The following PPP1R21 variants were observed in gnomAD, a reference collection of about 807,000 sequenced individuals.
PPP1R21 encodes the protein protein phosphatase 1 regulatory subunit 21, also known as KLRAQ motif containing 1.
A neutral mutation model predicts 112.8 loss-of-function variants in PPP1R21; 85 were observed. That is an observed-to-expected ratio of 0.75 (90% CI 0.63 to 0.90). The LOEUF is 0.90. Ranked by LOEUF, PPP1R21 falls within the 40% of genes least tolerant of loss-of-function variation. The pLI, the probability that PPP1R21 is intolerant of heterozygous loss-of-function variation, is 0.00. For synonymous variants in PPP1R21, 381 were observed against 322.3 expected, an observed-to-expected ratio of 1.18 and a Z score of -1.95; for missense variants, 1,199 against 901.5, an observed-to-expected ratio of 1.33 and a Z score of -4.23.
chr2:48,445,933 A>T (rs942500918), intron 1 of PPP1R21, among the ~76,000 whole-genome samples: 2 of 152,228 alleles, frequency 1.3e-5, no homozygotes, highest in Non-Finnish European at 2.9e-5. Flanking sequence ...TTTAGGGGTC[A>T]TCCAGGCCAG....
chr2:48,459,111 A>AAGATTCATAGT (rs1403750445), intron 4 of PPP1R21, among the ~76,000 whole-genome samples: 1 of 151,434 alleles, frequency 6.6e-6, no homozygotes, highest in Non-Finnish European at 1.5e-5. Flanking sequence ...AAAAAAAAAA[A>AAGATTCATAGT]AGATTCATAG....
At chr2:48,452,595 T>G (rs977708895) in intron 2 of PPP1R21, among the ~76,000 whole-genome samples, 8 of 151,746 alleles carry the variant, frequency 5.3e-5, no homozygotes, top group Non-Finnish European at 8.8e-5. Flanking sequence ...TCATTGTAAT[T>G]ATAGTACAAC....
intron 11 of PPP1R21, among the ~76,000 whole-genome samples, chr2:48,473,363 T>G (rs550363963): frequency 1.3e-5 from 2 of 152,340 alleles, no homozygotes; most frequent in South Asian, 4.1e-4. Flanking sequence ...ATTTGGCTTA[T>G]GTTTAAGAAG....
At chr2:48,454,830 G>A in intron 3 of PPP1R21, 89 bp downstream of exon 3, 3 of 987,630 alleles carry the variant, frequency 3.0e-6, no homozygotes, top group Admixed American at 2.0e-5. Context: ...AGACCCCACT[G>A]CCGAATTATT....
chr2:48,508,992 C>G (rs1472823372), intron 19 of PPP1R21, among the ~76,000 whole-genome samples: 1 of 152,196 alleles, frequency 6.6e-6, no homozygotes, highest in Non-Finnish European at 1.5e-5. Flanking sequence ...CTTATGTTGA[C>G]ATAGCATTTG....
chr2:48,450,864 G>T, intron 1 of PPP1R21, 144 bp from the exon 2 acceptor site: 1 of 589,646 alleles, frequency 1.7e-6, no homozygotes, highest in Non-Finnish European at 3.0e-6. Context: ...TACCCTCTTT[G>T]GGTCTAATAC....
intron 9 of PPP1R21, 122 bp from the exon 10 acceptor site, chr2:48,470,965 G>A: frequency 1.5e-6 from 1 of 671,940 alleles, no homozygotes. Context: ...GGAGTTTGAG[G>A]CTGCAGTGAG....
chr2:48,485,827 A>T (rs920638277), intron 13 of PPP1R21, among the ~76,000 whole-genome samples: 22 of 149,560 alleles, frequency 1.5e-4, no homozygotes, highest in African/African-American at 5.4e-4. Context: ...AAAAATTTTC[A>T]TGTTTTGTGA....
intron 1 of PPP1R21, among the ~76,000 whole-genome samples, chr2:48,446,536 A>G (rs1381724558): frequency 6.6e-6 from 1 of 152,146 alleles, no homozygotes; most frequent in Admixed American, 6.5e-5. Flanking sequence ...TCTCTTATAT[A>G]ATGTATTACA....
chr2:48,493,504 A>G (rs937206647), intron 15 of PPP1R21, among the ~76,000 whole-genome samples: 1 of 152,162 alleles, frequency 6.6e-6, no homozygotes, highest in African/African-American at 2.4e-5. Flanking sequence ...TTGATTTCCA[A>G]GGTAGAAACA....
intron 12 of PPP1R21, among the ~76,000 whole-genome samples, chr2:48,477,489 A>G (rs978500289): frequency 3.9e-5 from 6 of 152,110 alleles, no homozygotes; most frequent in Non-Finnish European, 7.4e-5. Flanking sequence ...TGAAAAGCCT[A>G]TTCTTTCCTT....
intron 6 of PPP1R21, 86 bp downstream of exon 6, chr2:48,460,239 T>A (rs1558438975): frequency 1.5e-6 from 2 of 1,299,904 alleles, no homozygotes; most frequent in Non-Finnish European, 2.2e-6. Context: ...TCTGTTTTAA[T>A]TGTCTTACAT....
intron 14 of PPP1R21, among the ~76,000 whole-genome samples, chr2:48,489,647 G>A (rs912348310): frequency 1.3e-4 from 20 of 152,096 alleles, no homozygotes; most frequent in African/African-American, 4.8e-4. Context: ...GCTTATCAAA[G>A]GATTCTTAAA....
chr2:48,450,887 A>C, intron 1 of PPP1R21, 121 bp from the exon 2 acceptor site: 1 of 725,926 alleles, frequency 1.4e-6, no homozygotes, highest in Non-Finnish European at 2.4e-6. Context: ...TTTTGTTCTC[A>C]TATATATGTG....
At position 48,511,447 on chromosome 2, in the gene PPP1R21, C is replaced by G; in HGVS notation, c.2292C>G (p.Asp764Glu). The change falls in exon 21 of 22, where the codon GAC becomes GAG. Residue 764 changes from aspartate to glutamate, a missense_variant. Transcript: ENST00000294952. ...ETLSKQREEI[D>E]TLKMSSKGNS... is the part of the protein sequence containing the mutation. ...TATCTAAACAGAGAGAAGAGATTGA[C>G]ACACTAAAGATGTCCAGTAAGGTAT... 1 of 1,613,978 alleles carries G rather than the reference C, an allele frequency of 6.2e-7. No homozygotes were observed. Among genetic ancestry groups the G allele is most frequent in the Non-Finnish European group, 8.5e-7 (1 of 1,179,984 alleles).
intron 9 of PPP1R21, 89 bp from the exon 10 acceptor site, chr2:48,470,998 G>T: frequency 1.1e-6 from 1 of 889,008 alleles, no homozygotes. Flanking sequence ...TTACAATTTA[G>T]GTTTATAATT....
intron 2 of PPP1R21, among the ~76,000 whole-genome samples, chr2:48,453,313 T>C (rs1470234363): frequency 2.0e-5 from 3 of 152,212 alleles, no homozygotes; most frequent in East Asian, 3.8e-4. Flanking sequence ...CTTCATGTTT[T>C]ATAATTGTTT....
chr2:48,497,348 T>C (rs1226026331), intron 16 of PPP1R21, among the ~76,000 whole-genome samples: 1 of 152,210 alleles, frequency 6.6e-6, no homozygotes, highest in Non-Finnish European at 1.5e-5. Context: ...TTGAGAGTTT[T>C]TCATAGCAAA....
At chr2:48,451,969 G>T (rs1558422130) in intron 2 of PPP1R21, among the ~76,000 whole-genome samples, 1 of 152,104 alleles carries the variant, frequency 6.6e-6, no homozygotes, top group Non-Finnish European at 1.5e-5. Flanking sequence ...CTCCTCCTCA[G>T]GTGCTGTTAG....
Sources: allele counts gnomAD v4.1 joint callset (sites outside exome capture counted in the v4.1 genomes callset), GRCh38; gene constraint gnomAD v4.1.1; transcripts MANE v1.5; gene names NCBI Gene and HGNC (gene_info 2026-07-23, HGNC 2026-07-21).